Variants in NPFFR2 observed in about 807,000 individuals in gnomAD.
NPFFR2 encodes the protein neuropeptide FF receptor 2.
Under a neutral mutation model 13.1 loss-of-function variants are expected in NPFFR2, and 15 were observed. That is an observed-to-expected ratio of 1.15 (90% CI 0.77 to 1.76). NPFFR2 has a LOEUF of 1.76. NPFFR2 is among the 40% of genes most tolerant of loss of function. The pLI, the probability that NPFFR2 is intolerant of heterozygous loss-of-function variation, is 0.00. For synonymous variants in NPFFR2, 190 were observed against 175.7 expected (o/e 1.08, Z -0.65); for missense variants, 572 against 503.5 (o/e 1.14, Z -1.30).
chr4:72,049,694 A>T (rs1403540677), intron 1 of NPFFR2, among the ~76,000 whole-genome samples: 1 of 151,520 alleles, frequency 6.6e-6, no homozygotes, highest in Non-Finnish European at 1.5e-5. Flanking sequence ...TTATATCAAA[A>T]ATTCCAAATA....
chr4:72,132,841 G>A (rs574290235), intron 2 of NPFFR2, among the ~76,000 whole-genome samples: 1 of 151,860 alleles, frequency 6.6e-6, no homozygotes, highest in South Asian at 2.1e-4. Flanking sequence ...CTTTTTAATG[G>A]GGTTGTTTAT....
chr4:72,085,847 G>A (rs763446872), intron 1 of NPFFR2, among the ~76,000 whole-genome samples: 14 of 151,970 alleles, frequency 9.2e-5, no homozygotes, highest in Non-Finnish European at 1.5e-4. Flanking sequence ...TATCTTTTTG[G>A]TAAGTCCTAA....
chr4:72,044,292 T>G (rs1164170724), intron 1 of NPFFR2, among the ~76,000 whole-genome samples: 1 of 152,152 alleles, frequency 6.6e-6, no homozygotes, highest in Non-Finnish European at 1.5e-5. Flanking sequence ...TGTCAAGAAA[T>G]GTATTCCCTG....
At chr4:72,047,900 T>C (rs1719422169) in intron 1 of NPFFR2, among the ~76,000 whole-genome samples, 1 of 152,096 alleles carries the variant, frequency 6.6e-6, no homozygotes, top group Non-Finnish European at 1.5e-5. Context: ...AATATCAGCT[T>C]TATTTCTGTT....
At chr4:72,124,141 A>G (rs1402424633) in intron 1 of NPFFR2, among the ~76,000 whole-genome samples, 3 of 152,212 alleles carry the variant, frequency 2.0e-5, no homozygotes, top group Non-Finnish European at 4.4e-5. Context: ...GAGCCAAATC[A>G]TGAGTGAACT....
At chr4:72,079,164 G>A (rs964979606) in intron 1 of NPFFR2, among the ~76,000 whole-genome samples, 3 of 151,378 alleles carry the variant, frequency 2.0e-5, no homozygotes, top group Non-Finnish European at 4.4e-5. Context: ...CTGTAGTTAC[G>A]CAGGATGTTA....
In NPFFR2 at chr4:72,143,516, C is replaced by A. The variant is rs558403544; in HGVS notation, c.429-3462C>A. 5.9e-5 allele frequency among the ~76,000 whole-genome samples: 9 copies of A among 152,230 alleles called. 1 individual carries two copies. In the South Asian group the frequency reaches 1.9e-3, roughly 32 times the overall value. The stretch of plus-strand genomic sequence containing the variant: ...CCTCAGATGACTGGATGATGCCTAC[C>A]CACACTGGGAGGGCAATCCACTTTA... On this transcript the variant is annotated intron_variant, in intron 3 of 3. Coordinates refer to ENST00000308744, the MANE Select transcript of NPFFR2 (RefSeq NM_004885.3).
At chr4:72,141,473 T>C (rs1722622142) in intron 3 of NPFFR2, among the ~76,000 whole-genome samples, 1 of 152,216 alleles carries the variant, frequency 6.6e-6, no homozygotes, top group Non-Finnish European at 1.5e-5. Flanking sequence ...TTGTCCTCAT[T>C]GATTTCAAAG....
Position 72,147,125 on chromosome 4 carries a change from G to A in NPFFR2, c.576G>A (p.Val192=), listed in dbSNP as rs758518287. The A allele has an allele frequency of 7.4e-6, 12 of 1,613,964 alleles. No homozygotes were observed. The Admixed American group carries it at 1.2e-4, about 16-fold the overall frequency. ...TGCAAGAAGAAAAATATTACCGAGT[G>A]AGACTCAACTCCCAGAATAAAACCA... is the stretch of plus-strand genomic sequence containing the variant. The part of the protein sequence containing the change: ...LHVQEEKYYR[V]RLNSQNKTSP... The change falls in exon 4 of 4, where the codon GTG becomes GTA. Residue 192 remains valine (V), a synonymous_variant. Coordinates refer to ENST00000308744, the MANE Select transcript of NPFFR2 (RefSeq NM_004885.3).
intron 1 of NPFFR2, chr4:72,039,160 G>C (rs940534682): frequency 6.6e-6 from 1 of 152,078 alleles, no homozygotes; most frequent in Non-Finnish European, 1.5e-5. Flanking sequence ...CTGGGTTCAC[G>C]CTATTCTCCT....
intron 1 of NPFFR2, among the ~76,000 whole-genome samples, chr4:72,078,575 G>T (rs1384667774): frequency 6.6e-6 from 1 of 152,040 alleles, no homozygotes; most frequent in Non-Finnish European, 1.5e-5. Flanking sequence ...ACTTTATGTA[G>T]AAAAGCACAG....
intron 1 of NPFFR2, among the ~76,000 whole-genome samples, chr4:72,035,940 A>G (rs1377956438): frequency 6.6e-6 from 1 of 152,152 alleles, no homozygotes; most frequent in East Asian, 1.9e-4. Context: ...TAGTCCTTCA[A>G]ACAAGTCTCA....
At chr4:72,103,769 T>G (rs1331927746) in intron 1 of NPFFR2, among the ~76,000 whole-genome samples, 1 of 152,152 alleles carries the variant, frequency 6.6e-6, no homozygotes, top group Non-Finnish European at 1.5e-5. Context: ...TGATTTATGT[T>G]GTCTTTATCA....
chr4:72,129,032 C>T, intron 2 of NPFFR2, 113 bp downstream of exon 2: 1 of 826,954 alleles, frequency 1.2e-6, no homozygotes, highest in Non-Finnish European at 1.9e-6. Context: ...TTATGGAATT[C>T]CAGGAACTGA....
chr4:72,048,190 G>A (rs543388243), intron 1 of NPFFR2, among the ~76,000 whole-genome samples: 1 of 152,046 alleles, frequency 6.6e-6, no homozygotes, highest in African/African-American at 2.4e-5. Context: ...ATTCAATGGG[G>A]AGCAACGAAA....
chr4:72,110,361 A>C (rs1264267478), intron 1 of NPFFR2, among the ~76,000 whole-genome samples: 2 of 151,958 alleles, frequency 1.3e-5, no homozygotes, highest in African/African-American at 2.4e-5. Flanking sequence ...TTCCTTTATA[A>C]ATTACCCAGT....
chr4:72,046,519 G>T (rs36102036), intron 1 of NPFFR2, among the ~76,000 whole-genome samples: 1 of 151,956 alleles, frequency 6.6e-6, no homozygotes, highest in Non-Finnish European at 1.5e-5. Flanking sequence ...CCAGACCCAT[G>T]AGCCAAATAA....
chr4:72,085,262 G>C (rs1237086061), intron 1 of NPFFR2, among the ~76,000 whole-genome samples: 1 of 152,050 alleles, frequency 6.6e-6, no homozygotes, highest in Non-Finnish European at 1.5e-5. Flanking sequence ...GTTATTGTTT[G>C]CTCTCAGTTT....
chr4:72,064,037 G>A (rs1406196229), intron 1 of NPFFR2, among the ~76,000 whole-genome samples: 1 of 152,198 alleles, frequency 6.6e-6, no homozygotes, highest in Non-Finnish European at 1.5e-5. Flanking sequence ...GCATAGGGAT[G>A]TGAATGAGTG....
Sources: gnomAD v4.1 joint callset for allele counts (sites outside exome capture counted in the v4.1 genomes callset) on GRCh38, gnomAD v4.1.1 for gene constraint, MANE v1.5 for transcripts, NCBI Gene and HGNC (gene_info 2026-07-23, HGNC 2026-07-21) for gene names.